The following IGF1R variants were observed in gnomAD, a reference collection of about 807,000 sequenced individuals.
The protein encoded by IGF1R is insulin like growth factor 1 receptor, also known as insulin-like growth factor 1 receptor.
In IGF1R, 44 loss-of-function variants were observed where a neutral mutation model predicts 144.6. That is an observed-to-expected ratio of 0.30 (90% CI 0.24 to 0.39). The LOEUF is 0.39. IGF1R is among the 10% of genes least tolerant of loss of function. IGF1R has a pLI of 1.00. For missense variants in IGF1R, 1,355 were observed against 1,833.7 expected, an observed-to-expected ratio of 0.74 and a Z score of 4.77; for synonymous variants, 795 against 722.8, an observed-to-expected ratio of 1.10 and a Z score of -1.60.
At chr15:98,887,533 G>T (rs1214852190) in intron 2 of IGF1R, among the ~76,000 whole-genome samples, 2 of 152,190 alleles carry the variant, frequency 1.3e-5, no homozygotes, top group African/African-American at 2.4e-5. Flanking sequence ...GCAAGTAGAT[G>T]TTGGTCCCCC....
chr15:98,650,989 C>T (rs868618991), intron 1 of IGF1R: 1 of 985,032 alleles, frequency 1.0e-6, no homozygotes, highest in Non-Finnish European at 1.2e-6. Context: ...GAAAGTGTGG[C>T]TTACTGGTAC....
At chr15:98,844,229 GC>G (rs2011232077) in intron 2 of IGF1R, among the ~76,000 whole-genome samples, 1 of 152,116 alleles carries the variant, frequency 6.6e-6, no homozygotes, top group Non-Finnish European at 1.5e-5. Flanking sequence ...AAAAAGAAAA[GC>G]AAAGGAAATT....
Position 98,957,523 on chromosome 15 carries a change from C to A in IGF1R, c.*81C>A. ...GGGGGGGAGAGAGAGTTTTAACAAT[C>A]CATTCACAAGCCTCCTGTACCTCAG... On this transcript the variant is annotated 3_prime_UTR_variant, in exon 21 of 21. Transcript: ENST00000650285. The A allele has an allele frequency of 6.3e-7, 1 of 1,577,090 alleles. No homozygotes were observed.
intron 1 of IGF1R, among the ~76,000 whole-genome samples, chr15:98,667,879 T>C (rs1226626549): frequency 6.6e-6 from 1 of 152,040 alleles, no homozygotes; most frequent in Non-Finnish European, 1.5e-5. Context: ...TTGTTTTGCC[T>C]GGTCGTCAGG....
rs7165945 is a variant in IGF1R at position 98,824,784 on chromosome 15, C to T, written c.641-66541C>T. Among the ~76,000 whole-genome samples the T allele has an allele frequency of 9.8e-3, 1,487 of 152,276 alleles. 25 individuals carry two copies. The highest frequency in any genetic ancestry group is 0.034 in the African/African-American group (1,412 of 41,550). On this transcript the variant is annotated intron_variant, in intron 2 of 20. Coordinates refer to ENST00000650285, the MANE Select transcript of IGF1R (RefSeq NM_000875.5). ...TGCAGTTGTAGTCTGCAGTCACTCTCCTAAGACTTGATCATCTATTACGCT... is the reference window on the plus strand; with the variant it reads ...TGCAGTTGTAGTCTGCAGTCACTCTTCTAAGACTTGATCATCTATTACGCT...
intron 2 of IGF1R, among the ~76,000 whole-genome samples, chr15:98,739,712 C>T (rs866649533): frequency 1.3e-5 from 2 of 152,154 alleles, no homozygotes; most frequent in Non-Finnish European, 1.5e-5. Context: ...AGGTTCAAGT[C>T]TCCCGAGTAG....
At position 98,815,770 on chromosome 15, in the gene IGF1R, A is replaced by G. The variant is rs990267537; in HGVS notation, c.641-75555A>G. Reference sequence around the variant, plus strand: ...TCTAGCTTTGGCTAGAGAAGGAACAATGGAAGTGAGTCTTATTCTACCTAA... The same window carrying G: ...TCTAGCTTTGGCTAGAGAAGGAACAGTGGAAGTGAGTCTTATTCTACCTAA... On this transcript the variant is annotated intron_variant, in intron 2 of 20. Transcript: ENST00000650285. 4.6e-5 allele frequency among the ~76,000 whole-genome samples: 7 copies of G among 152,224 alleles called. No individual in the cohort carries two copies. The East Asian group carries it at 7.7e-4, about 17-fold the overall frequency.
intron 2 of IGF1R, among the ~76,000 whole-genome samples, chr15:98,728,029 T>TTTC (rs869246687): frequency 6.6e-5 from 10 of 150,590 alleles, no homozygotes; most frequent in African/African-American, 2.4e-4. Flanking sequence ...TTTTTTTTTT[T>TTTC]AAGCGAGCAG....
intron 1 of IGF1R, among the ~76,000 whole-genome samples, chr15:98,667,012 G>C (rs192510374): frequency 1.3e-5 from 2 of 151,878 alleles, no homozygotes; most frequent in Non-Finnish European, 2.9e-5. Context: ...TGTCCATGGC[G>C]GTCCTAGGTA....
At chr15:98,798,693 T>C (rs2056299825) in intron 2 of IGF1R, among the ~76,000 whole-genome samples, 1 of 151,452 alleles carries the variant, frequency 6.6e-6, no homozygotes, top group Non-Finnish European at 1.5e-5. Flanking sequence ...GAGATGAGGT[T>C]GGGTGGCTGG....
chr15:98,865,942 C>T (rs559453232), intron 2 of IGF1R, among the ~76,000 whole-genome samples: 2 of 152,332 alleles, frequency 1.3e-5, no homozygotes, highest in South Asian at 4.1e-4. Flanking sequence ...TCCCACCTCC[C>T]GCTCTGGGGT....
At chr15:98,875,345 T>TTTTC (rs1163427636) in intron 2 of IGF1R, among the ~76,000 whole-genome samples, 3 of 131,544 alleles carry the variant, frequency 2.3e-5, no homozygotes, top group Non-Finnish European at 4.9e-5. Context: ...TTTTCTTTTC[T>TTTTC]TTTCTTTTTT....
At chr15:98,813,597 TGTGA>T (rs1302462013) in intron 2 of IGF1R, among the ~76,000 whole-genome samples, 17 of 152,400 alleles carry the variant, frequency 1.1e-4, no homozygotes, top group Admixed American at 9.8e-4. Flanking sequence ...TCTTGGGGAC[TGTGA>T]GTAACAGACT....
At chr15:98,884,709 T>C (rs764399392) in intron 2 of IGF1R, among the ~76,000 whole-genome samples, 1 of 134,400 alleles carries the variant, frequency 7.4e-6, no homozygotes, top group Non-Finnish European at 1.6e-5. Context: ...AAAAAAGAAA[T>C]TCTGTACCCT....
intron 2 of IGF1R, among the ~76,000 whole-genome samples, chr15:98,802,166 C>G (rs41515853): frequency 0.079 from 11,983 of 152,142 alleles, 554 homozygotes; most frequent in Middle Eastern, 0.22. Flanking sequence ...GTTGTTAATA[C>G]CTTCCTGTAG....
intron 2 of IGF1R, among the ~76,000 whole-genome samples, chr15:98,716,385 A>T (rs2054117478): frequency 6.6e-6 from 1 of 152,192 alleles, no homozygotes; most frequent in South Asian, 2.1e-4. Context: ...TAAAATGTTC[A>T]TAACTCATCA....
chr15:98,821,156 G>C (rs916414489), intron 2 of IGF1R, among the ~76,000 whole-genome samples: 1 of 152,194 alleles, frequency 6.6e-6, no homozygotes, highest in African/African-American at 2.4e-5. Flanking sequence ...GGAGAACTCA[G>C]GCGTCCAAGA....
intron 2 of IGF1R, among the ~76,000 whole-genome samples, chr15:98,830,329 C>G (rs143345408): frequency 6.6e-6 from 1 of 152,206 alleles, no homozygotes; most frequent in Non-Finnish European, 1.5e-5. Context: ...CTTTCTTCTC[C>G]TTTGCCATGT....
intron 2 of IGF1R, among the ~76,000 whole-genome samples, chr15:98,834,535 A>G (rs949622519): frequency 3.3e-5 from 5 of 152,222 alleles, no homozygotes; most frequent in African/African-American, 4.8e-5. Flanking sequence ...CATAGGTTCA[A>G]TAAGGCTCCA....
Sources: gnomAD v4.1 joint callset for allele counts (sites outside exome capture counted in the v4.1 genomes callset) on GRCh38, gnomAD v4.1.1 for gene constraint, MANE v1.5 for transcripts, NCBI Gene and HGNC (gene_info 2026-07-23, HGNC 2026-07-21) for gene names.